MCU: variants seen among roughly 807,000 people sequenced by gnomAD.
MCU encodes mitochondrial calcium uniporter.
MCU carries 12 observed loss-of-function variants against 45.2 expected under a neutral mutation model. The observed-to-expected ratio is 0.27, with a 90% CI of 0.17 to 0.43. The LOEUF is 0.43. MCU is among the 20% of genes least tolerant of loss of function. The probability of loss-of-function intolerance (pLI) is 1.00; values close to 1 mark genes in which losing one functional copy is unlikely to be tolerated. For missense variants in MCU, 324 were observed against 436.7 expected, an observed-to-expected ratio of 0.74 and a Z score of 2.30; for synonymous variants, 160 against 165.1, an observed-to-expected ratio of 0.97 and a Z score of 0.24.
intron 1 of MCU, among the ~76,000 whole-genome samples, chr10:72,803,948 A>G (rs943041127): frequency 4.9e-5 from 7 of 143,378 alleles, no homozygotes; most frequent in Admixed American, 1.4e-4. Flanking sequence ...ATGGAATCCA[A>G]ACAAGGACCA....
At chr10:72,702,190 G>T (rs970023359) in intron 1 of MCU, among the ~76,000 whole-genome samples, 3 of 151,442 alleles carry the variant, frequency 2.0e-5, no homozygotes, top group African/African-American at 7.3e-5. Context: ...GGCAGAGGTT[G>T]CAGTGACCCG....
chr10:72,696,294 C>G (rs1031360284), intron 1 of MCU, among the ~76,000 whole-genome samples: 1 of 146,784 alleles, frequency 6.8e-6, no homozygotes, highest in South Asian at 2.2e-4. Context: ...TAAGCCACTA[C>G]GTCTGGCCAA....
intron 2 of MCU, among the ~76,000 whole-genome samples, chr10:72,847,460 T>A (rs565784486): frequency 6.6e-6 from 1 of 152,118 alleles, no homozygotes; most frequent in Non-Finnish European, 1.5e-5. Context: ...TAGCCCCCAG[T>A]CAAAAGCCAG....
At chr10:72,716,045 CTG>C (rs1274751233) in intron 1 of MCU, 21 of 194,436 alleles carry the variant, frequency 1.1e-4, no homozygotes, top group African/African-American at 4.5e-4. Flanking sequence ...CGTTGACAAA[CTG>C]TAGCATAAAT....
intron 1 of MCU, among the ~76,000 whole-genome samples, chr10:72,722,133 A>G (rs760049902): frequency 2.4e-4 from 37 of 152,140 alleles, no homozygotes; most frequent in Non-Finnish European, 4.7e-4. Flanking sequence ...TGGTATAAAT[A>G]TTAACGTGTA....
intron 1 of MCU, among the ~76,000 whole-genome samples, chr10:72,827,704 TATC>T (rs1256643404): frequency 6.6e-6 from 1 of 152,210 alleles, no homozygotes; most frequent in African/African-American, 2.4e-5. Context: ...ATTCAAGTGT[TATC>T]ATGTTTATAT....
At chr10:72,766,697 A>G (rs1301170893) in intron 1 of MCU, 2 of 152,224 alleles carry the variant, frequency 1.3e-5, no homozygotes, top group Non-Finnish European at 2.9e-5. Context: ...TTGGTACTTC[A>G]TAGCCTTCTG....
chr10:72,836,391 T>G (rs1052402509), intron 2 of MCU, among the ~76,000 whole-genome samples: 1 of 152,188 alleles, frequency 6.6e-6, no homozygotes, highest in African/African-American at 2.4e-5. Flanking sequence ...TGATACTAAT[T>G]TTGCTACTTA....
At chr10:72,853,223 A>T (rs1224744799) in intron 2 of MCU, among the ~76,000 whole-genome samples, 1 of 152,210 alleles carries the variant, frequency 6.6e-6, no homozygotes, top group Non-Finnish European at 1.5e-5. Flanking sequence ...AACAGCCAAG[A>T]ATGTTAAAAT....
intron 2 of MCU, 110 bp from the exon 3 acceptor site, chr10:72,859,067 A>C: frequency 1.8e-6 from 2 of 1,098,322 alleles, no homozygotes; most frequent in Non-Finnish European, 2.6e-6. Flanking sequence ...CTTCTTTGAA[A>C]ACATTTTAAA....
At chr10:72,815,636 C>CT (rs1452136883) in intron 1 of MCU, among the ~76,000 whole-genome samples, 2 of 152,172 alleles carry the variant, frequency 1.3e-5, no homozygotes, top group African/African-American at 4.8e-5. Flanking sequence ...CAGCAAAATA[C>CT]TTTAAGCATA....
chr10:72,804,579 A>C (rs1260006386), intron 1 of MCU, among the ~76,000 whole-genome samples: 2 of 152,164 alleles, frequency 1.3e-5, no homozygotes, highest in Non-Finnish European at 2.9e-5. Context: ...AATAAACCTA[A>C]TTCAGCCTTT....
chr10:72,727,318 C>T (rs1325224203), intron 1 of MCU, among the ~76,000 whole-genome samples: 1 of 152,200 alleles, frequency 6.6e-6, no homozygotes, highest in Non-Finnish European at 1.5e-5. Context: ...ATGGAACATT[C>T]CCCAAGCCTG....
intron 1 of MCU, among the ~76,000 whole-genome samples, chr10:72,733,294 T>C (rs924253039): frequency 4.6e-5 from 7 of 152,124 alleles, no homozygotes; most frequent in African/African-American, 1.7e-4. Context: ...CCATCTCTAC[T>C]AAAGATACAA....
At chr10:72,831,060 A>G (rs2132829252) in intron 1 of MCU, among the ~76,000 whole-genome samples, 1 of 152,360 alleles carries the variant, frequency 6.6e-6, no homozygotes, top group Non-Finnish European at 1.5e-5. Flanking sequence ...CAGCTAAAGT[A>G]TTGGCAGTGA....
At chr10:72,726,256 C>T (rs912786140) in intron 1 of MCU, among the ~76,000 whole-genome samples, 17 of 145,584 alleles carry the variant, frequency 1.2e-4, no homozygotes, top group African/African-American at 2.5e-4. Context: ...CACACACACA[C>T]GTGTGTGTGT....
At chr10:72,764,613 T>G (rs890714121) in intron 1 of MCU, among the ~76,000 whole-genome samples, 2 of 152,190 alleles carry the variant, frequency 1.3e-5, no homozygotes, top group African/African-American at 4.8e-5. Flanking sequence ...ACTTTTTCAT[T>G]GGGAAGACTA....
intron 4 of MCU, among the ~76,000 whole-genome samples, chr10:72,864,545 GTTTTA>G (rs946791618): frequency 2.4e-4 from 37 of 152,074 alleles, no homozygotes; most frequent in Admixed American, 1.3e-4. Context: ...TGATTTTAAT[GTTTTA>G]TTTTCTCTAG....
At chr10:72,858,174 G>A (rs986318038) in intron 2 of MCU, among the ~76,000 whole-genome samples, 2 of 152,148 alleles carry the variant, frequency 1.3e-5, no homozygotes, top group African/African-American at 2.4e-5. Flanking sequence ...GCTGAGCAGG[G>A]TGGCCAAATA....
Sources: allele counts gnomAD v4.1 joint callset (sites outside exome capture counted in the v4.1 genomes callset), GRCh38; gene constraint gnomAD v4.1.1; transcripts MANE v1.5; gene names NCBI Gene and HGNC (gene_info 2026-07-23, HGNC 2026-07-21).